RANBP2: variants seen among roughly 807,000 people sequenced by gnomAD.
RANBP2 encodes RAN binding protein 2, also known as E3 SUMO-protein ligase RanBP2.
Under a neutral mutation model 303.6 loss-of-function variants are expected in RANBP2, and 57 were observed. The observed-to-expected ratio is 0.19, with a 90% CI of 0.15 to 0.23. The LOEUF is 0.23. Among genes scored for constraint, RANBP2 ranks in the 10% least tolerant of loss-of-function variants. The pLI, the probability that RANBP2 is intolerant of heterozygous loss-of-function variation, is 1.00. For synonymous variants in RANBP2, 1,167 were observed against 1,301.5 expected, an observed-to-expected ratio of 0.90 and a Z score of 2.23; for missense variants, 3,138 against 3,780.8, an observed-to-expected ratio of 0.83 and a Z score of 4.46.
At chr2:108,985,187 C>A in the RANBP2 span, among the ~76,000 whole-genome samples, 2 of 152,208 alleles carry the variant, frequency 1.3e-5, no homozygotes, top group Non-Finnish European at 2.9e-5. Flanking sequence ...TTGCCTATAT[C>A]TAGCTATTGA....
At chr2:108,991,217 C>G in the RANBP2 span, among the ~76,000 whole-genome samples, 1 of 152,116 alleles carries the variant, frequency 6.6e-6, no homozygotes, top group African/African-American at 2.4e-5. Flanking sequence ...GCCTAGTCAT[C>G]ATATCCAAAT....
the RANBP2 span, among the ~76,000 whole-genome samples, chr2:109,358,002 A>G: frequency 6.6e-6 from 1 of 152,180 alleles, no homozygotes; most frequent in Non-Finnish European, 1.5e-5. Flanking sequence ...TTATAGGCCC[A>G]TACAAAGTAG....
the RANBP2 span, among the ~76,000 whole-genome samples, chr2:109,214,302 A>C: frequency 6.6e-6 from 1 of 152,162 alleles, no homozygotes; most frequent in African/African-American, 2.4e-5. Flanking sequence ...GGCTTGCCTT[A>C]TTCTCCTGGG....
the RANBP2 span, among the ~76,000 whole-genome samples, chr2:109,080,579 G>A: frequency 4.6e-5 from 7 of 152,162 alleles, no homozygotes; most frequent in African/African-American, 1.7e-4. Flanking sequence ...ATCTACAAAT[G>A]TGCATGTGTA....
chr2:108,963,255 C>T, the RANBP2 span, among the ~76,000 whole-genome samples: 13 of 152,224 alleles, frequency 8.5e-5, no homozygotes, highest in Non-Finnish European at 1.5e-4. Context: ...AAAAGGGCTA[C>T]GTAAGCAAAA....
the RANBP2 span, among the ~76,000 whole-genome samples, chr2:109,379,660 C>T: frequency 2.0e-5 from 3 of 152,262 alleles, no homozygotes; most frequent in Admixed American, 6.5e-5. Context: ...AAGCTCCTGC[C>T]GCAGCGACAG....
At chr2:108,744,099 C>A (rs1696322973) in intron 7 of RANBP2, among the ~76,000 whole-genome samples, 1 of 152,106 alleles carries the variant, frequency 6.6e-6, no homozygotes, top group Non-Finnish European at 1.5e-5. Flanking sequence ...TATCTTGAAA[C>A]CTTTTAGTTA....
At chr2:109,407,280 T>A in the RANBP2 span, among the ~76,000 whole-genome samples, 513 of 152,236 alleles carry the variant, frequency 3.4e-3, 5 homozygotes, top group Non-Finnish European at 5.0e-3. Flanking sequence ...TTAAAATCAA[T>A]GGAAGGGGAA....
chr2:109,099,575 A>C, the RANBP2 span, among the ~76,000 whole-genome samples: 1 of 151,934 alleles, frequency 6.6e-6, no homozygotes, highest in African/African-American at 2.4e-5. Context: ...GGTTTCTCTG[A>C]GGTCCCCTTG....
At chr2:109,228,559 T>G in the RANBP2 span, among the ~76,000 whole-genome samples, 1 of 152,106 alleles carries the variant, frequency 6.6e-6, no homozygotes, top group African/African-American at 2.4e-5. Flanking sequence ...ACCCTGCAGG[T>G]TAAGGGCTCA....
At chr2:109,382,748 C>T in the RANBP2 span, among the ~76,000 whole-genome samples, 1 of 152,232 alleles carries the variant, frequency 6.6e-6, no homozygotes, top group African/African-American at 2.4e-5. Context: ...CAAGCCCCAT[C>T]CAGGGCCCGC....
the RANBP2 span, among the ~76,000 whole-genome samples, chr2:109,751,512 G>A: frequency 6.8e-6 from 1 of 146,636 alleles, no homozygotes; most frequent in South Asian, 2.2e-4. Flanking sequence ...GGAGGAGATT[G>A]TACAGGAGTG....
the RANBP2 span, among the ~76,000 whole-genome samples, chr2:109,591,929 C>T: frequency 6.6e-6 from 1 of 152,012 alleles, no homozygotes; most frequent in East Asian, 1.9e-4. Context: ...AAACAACTTA[C>T]TGAATTACCT....
chr2:109,296,572 C>A, the RANBP2 span, among the ~76,000 whole-genome samples: 1 of 152,158 alleles, frequency 6.6e-6, no homozygotes. Flanking sequence ...GTCATCAGGG[C>A]ATGATTCCTG....
chr2:109,614,877 C>G, the RANBP2 span: 1 of 1,425,084 alleles, frequency 7.0e-7, no homozygotes, highest in African/African-American at 1.5e-5. Context: ...GCTCCCTGGA[C>G]AGGGCCGCGA....
At chr2:109,675,121 C>A in the RANBP2 span, among the ~76,000 whole-genome samples, 3 of 152,174 alleles carry the variant, frequency 2.0e-5, no homozygotes, top group Non-Finnish European at 2.9e-5. Context: ...GCATGTGCCA[C>A]CATGCCCAGC....
At chr2:109,252,220 C>T in the RANBP2 span, among the ~76,000 whole-genome samples, 3 of 151,366 alleles carry the variant, frequency 2.0e-5, no homozygotes, top group African/African-American at 7.3e-5. Flanking sequence ...TGCGCTCCAG[C>T]CCAGGTGACA....
chr2:108,798,349 C>A, the RANBP2 span: 1 of 1,503,750 alleles, frequency 6.7e-7, no homozygotes, highest in Non-Finnish European at 9.0e-7. Flanking sequence ...TTGGTTAAAC[C>A]ACAGTGTCAG....
Position 108,736,200 on chromosome 2 carries a change from C to T in RANBP2, c.733C>T (p.Leu245Phe), listed in dbSNP as rs1211504275. 1.7e-5 allele frequency: 28 copies of T among 1,611,840 alleles called. No homozygotes were observed. Among genetic ancestry groups the T allele is most frequent in the Non-Finnish European group, 2.3e-5 (27 of 1,179,852 alleles). The change falls in exon 6 of 29, where the codon CTT (leucine) becomes TTT (phenylalanine). Residue 245 changes from leucine (L) to phenylalanine (F), a missense_variant. Physicochemically the swap from Leu to Phe is conservative, Grantham distance 22 (BLOSUM62 0). This residue lies in a region of RANBP2 where 306 missense variants were observed against 381.9 expected (regional missense o/e 0.80). Coordinates refer to ENST00000283195, the MANE Select transcript of RANBP2 (RefSeq NM_006267.5). ...GCTGGCCTATGCTAATCTTATGCTT[C>T]TTACGCTTTCCACTAGAGATGTGCA... The part of the protein sequence containing the change: ...LLLAYANLML[L>F]TLSTRDVQES...
Sources: allele counts gnomAD v4.1 joint callset (sites outside exome capture counted in the v4.1 genomes callset), GRCh38; gene constraint gnomAD v4.1.1; regional missense constraint gnomAD v4.1.1; transcripts MANE v1.5; gene names NCBI Gene and HGNC (gene_info 2026-07-23, HGNC 2026-07-21).